ATP2C1: variants seen among roughly 807,000 people sequenced by gnomAD.
The protein encoded by ATP2C1 is ATPase secretory pathway Ca2+ transporting 1.
A neutral mutation model predicts 120.5 loss-of-function variants in ATP2C1; 31 were observed. The observed-to-expected ratio is 0.26, with a 90% CI of 0.19 to 0.35. The LOEUF (loss-of-function observed/expected upper bound fraction) is 0.35, where lower values mean the gene tolerates loss of function less well. ATP2C1 is among the 10% of genes least tolerant of loss of function. ATP2C1 has a pLI of 1.00. For missense variants in ATP2C1, 731 were observed against 1,107.5 expected (o/e 0.66, Z 4.83); for synonymous variants, 351 against 358.7 (o/e 0.98, Z 0.24).
At chr3:130,885,431 T>C (rs1240486091) in intron 1 of ATP2C1, among the ~76,000 whole-genome samples, 2 of 151,670 alleles carry the variant, frequency 1.3e-5, no homozygotes, top group East Asian at 3.8e-4. Context: ...TCCTTCCTTC[T>C]GTCTTCCTCT....
At chr3:130,974,657 GA>G (rs1251589590) in intron 17 of ATP2C1, among the ~76,000 whole-genome samples, 3 of 152,118 alleles carry the variant, frequency 2.0e-5, no homozygotes, top group South Asian at 2.1e-4. Context: ...TAAAGATGGG[GA>G]GGGGGGGAAT....
In ATP2C1 at chr3:130,985,164, C is replaced by G. The variant is rs965158304; in HGVS notation, c.1839+4485C>G. 1.2e-4 allele frequency among the ~76,000 whole-genome samples: 18 copies of G among 152,216 alleles called. 1 individual carries two copies. Among genetic ancestry groups the G allele is most frequent in the Admixed American group, 1.3e-4 (2 of 15,280 alleles). ...TTACATACAAAGTCAACATTGTGAT[C>G]ATGCACTTTCGTGAAGTCAGATTTG... On this transcript the variant is annotated intron_variant, in intron 20 of 27. Transcript: ENST00000510168.
intron 1 of ATP2C1, among the ~76,000 whole-genome samples, chr3:130,853,230 T>C (rs2067732075): frequency 6.6e-6 from 1 of 152,214 alleles, no homozygotes; most frequent in South Asian, 2.1e-4. Flanking sequence ...CTATTGCCTG[T>C]AAAACCTCCA....
intron 2 of ATP2C1, among the ~76,000 whole-genome samples, chr3:130,901,770 A>G (rs886936254): frequency 1.3e-5 from 2 of 152,062 alleles, no homozygotes; most frequent in African/African-American, 4.8e-5. Context: ...TCCTTTATTC[A>G]TCTTGAACAG....
At chr3:130,924,730 G>A (rs762307430) in intron 2 of ATP2C1, among the ~76,000 whole-genome samples, 15 of 152,144 alleles carry the variant, frequency 9.9e-5, no homozygotes, top group Non-Finnish European at 2.1e-4. Flanking sequence ...GATGTTTAAC[G>A]TAGACCCAGC....
intron 11 of ATP2C1, among the ~76,000 whole-genome samples, chr3:130,957,942 G>A (rs1430733152): frequency 6.6e-6 from 1 of 152,122 alleles, no homozygotes; most frequent in Admixed American, 6.6e-5. Flanking sequence ...AAAGTAGAAG[G>A]TAGGAAGTTA....
intron 26 of ATP2C1, among the ~76,000 whole-genome samples, chr3:131,010,849 T>A (rs1423886987): frequency 2.0e-5 from 3 of 152,226 alleles, no homozygotes; most frequent in African/African-American, 7.2e-5. Context: ...TTAATCTTTG[T>A]ACTGCTTAAC....
chr3:130,872,161 T>A (rs1454696171), intron 1 of ATP2C1, among the ~76,000 whole-genome samples: 2 of 152,192 alleles, frequency 1.3e-5, no homozygotes, highest in East Asian at 3.8e-4. Context: ...TTGATTTAAA[T>A]CATGGAATAT....
chr3:130,986,698 T>A (rs2062028293), intron 20 of ATP2C1, among the ~76,000 whole-genome samples: 1 of 152,212 alleles, frequency 6.6e-6, no homozygotes, highest in Non-Finnish European at 1.5e-5. Context: ...AGGTATTTTG[T>A]ATCTTTTGAA....
At chr3:130,901,227 G>C (rs1349785133) in intron 2 of ATP2C1, among the ~76,000 whole-genome samples, 1 of 152,120 alleles carries the variant, frequency 6.6e-6, no homozygotes, top group African/African-American at 2.4e-5. Context: ...TATGAAACTA[G>C]TATCAGATGA....
chr3:131,001,355 T>C lies in ATP2C1; in HGVS notation c.*5T>C. ...TCATCTTTTCTTGAAGTATGATGCA[T>C]ATTGCATTATTTTATTTGCAAACTA... is the stretch of plus-strand genomic sequence containing the variant. On this transcript the variant is annotated 3_prime_UTR_variant, in exon 28 of 28. Coordinates refer to ENST00000510168, the MANE Select transcript of ATP2C1 (RefSeq NM_001378687.1). The C allele has an allele frequency of 6.2e-7, 1 of 1,612,524 alleles. No homozygotes were observed. Among genetic ancestry groups the C allele is most frequent in the Non-Finnish European group, 8.5e-7 (1 of 1,179,118 alleles).
chr3:130,968,823 C>T (rs2061166978), intron 16 of ATP2C1, among the ~76,000 whole-genome samples: 1 of 152,068 alleles, frequency 6.6e-6, no homozygotes, highest in Admixed American at 6.6e-5. Flanking sequence ...GGAGGGAAAA[C>T]AACAACATGA....
chr3:130,964,899 A>C, intron 13 of ATP2C1, 49 bp from the exon 14 acceptor site: 2 of 1,378,572 alleles, frequency 1.5e-6, no homozygotes, highest in Non-Finnish European at 2.1e-6. Flanking sequence ...AAGTGAACCT[A>C]TATTTCTCCT....
intron 1 of ATP2C1, among the ~76,000 whole-genome samples, chr3:130,874,697 T>C (rs2068544458): frequency 6.6e-6 from 1 of 152,234 alleles, no homozygotes; most frequent in Admixed American, 6.5e-5. Context: ...ACTTGGCTTC[T>C]TCGAGTCACT....
chr3:130,980,492 T>C, intron 19 of ATP2C1, 90 bp from the exon 20 acceptor site: 1 of 884,440 alleles, frequency 1.1e-6, no homozygotes, highest in Non-Finnish European at 1.9e-6. Context: ...AGAGAACAGA[T>C]AACAAATCAT....
chr3:130,997,471 C>T (rs1039631228), intron 24 of ATP2C1, 135 bp from the exon 25 acceptor site: 19 of 785,786 alleles, frequency 2.4e-5, no homozygotes, highest in South Asian at 1.8e-4. Flanking sequence ...AATCAGCCAG[C>T]GTTTTATGAT....
At chr3:130,945,521 C>T (rs1445299464) in intron 8 of ATP2C1, among the ~76,000 whole-genome samples, 3 of 122,464 alleles carry the variant, frequency 2.4e-5, no homozygotes, top group Admixed American at 1.8e-4. Flanking sequence ...CCCCCTCCCC[C>T]CACCCCACGA....
chr3:130,986,035 G>A (rs961579433), intron 20 of ATP2C1, among the ~76,000 whole-genome samples: 2 of 152,088 alleles, frequency 1.3e-5, no homozygotes, highest in African/African-American at 2.4e-5. Context: ...TGGGATTATG[G>A]CATTTGGTAT....
Position 130,894,111 on chromosome 3 carries a change from C to T in ATP2C1, c.-407C>T. On this transcript the variant is annotated 5_prime_UTR_variant, in exon 1 of 28. Coordinates refer to ENST00000510168, the MANE Select transcript of ATP2C1 (RefSeq NM_001378687.1). The surrounding 1 kb of genome is among the most constrained non-coding windows in gnomAD (Gnocchi z 4.5). ...ACCAGCACGGCCTCGCGGAGCCGGC[C>T]CGGCGGACCGTGACGGGTCCCCTCA... is the stretch of plus-strand genomic sequence containing the variant. 1.4e-5 allele frequency: 14 copies of T among 972,754 alleles called. No individual in the cohort carries two copies. Among genetic ancestry groups the T allele is most frequent in the Non-Finnish European group, 1.7e-5 (14 of 818,462 alleles). 60.3% of individuals were successfully genotyped at this position (972,754 alleles called of 1,614,324 possible).
Sources: gnomAD v4.1 joint callset for allele counts (sites outside exome capture counted in the v4.1 genomes callset) on GRCh38, gnomAD v4.1.1 for gene constraint, Gnocchi (gnomAD v3.1) non-coding constraint, MANE v1.5 for transcripts, NCBI Gene and HGNC (gene_info 2026-07-23, HGNC 2026-07-21) for gene names.